Variants in ASCC3 observed in about 807,000 individuals in gnomAD.
ASCC3 encodes the protein ASC-1 complex subunit P200.
In ASCC3, 158 loss-of-function variants were observed where a neutral mutation model predicts 256.3. The observed-to-expected ratio is 0.62, with a 90% CI of 0.54 to 0.70. The LOEUF (loss-of-function observed/expected upper bound fraction) is 0.70, where lower values mean the gene tolerates loss of function less well. Among genes scored for constraint, ASCC3 ranks in the 30% least tolerant of loss-of-function variants. The pLI, the probability that ASCC3 is intolerant of heterozygous loss-of-function variation, is 0.00. For missense variants in ASCC3, 2,259 were observed against 2,626.0 expected, an observed-to-expected ratio of 0.86 and a Z score of 3.05; for synonymous variants, 948 against 883.4, an observed-to-expected ratio of 1.07 and a Z score of -1.30.
intron 10 of ASCC3, among the ~76,000 whole-genome samples, chr6:100,755,016 T>C (rs901049063): frequency 3.9e-5 from 6 of 152,094 alleles, no homozygotes; most frequent in African/African-American, 1.4e-4. Context: ...TTTTTCTTTA[T>C]AAATTACCCA....
chr6:100,628,049 AC>A, intron 27 of ASCC3, 62 bp from the exon 28 acceptor site: 1 of 1,551,186 alleles, frequency 6.4e-7, no homozygotes, highest in Non-Finnish European at 8.9e-7. Context: ...CATTGCAGCA[AC>A]CACAAAAGGA....
chr6:100,771,539 A>ATATAT (rs1000303918), intron 8 of ASCC3, among the ~76,000 whole-genome samples: 14 of 15,098 alleles, frequency 9.3e-4, no homozygotes, highest in Admixed American at 3.1e-3. Context: ...TATACGTAGA[A>ATATAT]TAAAAAAACT....
At chr6:100,836,418 C>T (rs1034745549) in intron 4 of ASCC3, among the ~76,000 whole-genome samples, 1 of 151,978 alleles carries the variant, frequency 6.6e-6, no homozygotes, top group African/African-American at 2.4e-5. Context: ...GAGGTACATT[C>T]CTTCTAATTT....
At chr6:100,683,874 T>A (rs1324329493) in intron 13 of ASCC3, among the ~76,000 whole-genome samples, 2 of 152,200 alleles carry the variant, frequency 1.3e-5, no homozygotes, top group South Asian at 4.1e-4. Flanking sequence ...AAAGTTCACA[T>A]AGAAACAAAA....
chr6:100,624,138 A>G (rs112457737), intron 30 of ASCC3, among the ~76,000 whole-genome samples: 5,171 of 152,054 alleles, frequency 0.034, 121 homozygotes, highest in Middle Eastern at 0.051. Flanking sequence ...AGACACCATG[A>G]AAAAAAGACA....
intron 36 of ASCC3, among the ~76,000 whole-genome samples, chr6:100,580,088 A>G (rs1303404274): frequency 2.6e-5 from 4 of 151,990 alleles, no homozygotes; most frequent in Non-Finnish European, 4.4e-5. Context: ...TTTTGTTGCT[A>G]TTGTGAATGG....
At chr6:100,762,960 T>G (rs1781482574) in intron 10 of ASCC3, among the ~76,000 whole-genome samples, 1 of 152,202 alleles carries the variant, frequency 6.6e-6, no homozygotes, top group South Asian at 2.1e-4. Context: ...AAATTTAAGA[T>G]TATATTTGAT....
chr6:100,623,236 T>G (rs891456778), intron 30 of ASCC3, among the ~76,000 whole-genome samples: 8 of 152,140 alleles, frequency 5.3e-5, no homozygotes, highest in African/African-American at 1.9e-4. Context: ...ACTTTGAACA[T>G]AAATTATTTT....
chr6:100,624,417 A>G (rs565803527), intron 30 of ASCC3, among the ~76,000 whole-genome samples: 16 of 151,968 alleles, frequency 1.1e-4, no homozygotes, highest in African/African-American at 3.6e-4. Context: ...TCAAAAATGA[A>G]GGCATACATT....
chr6:100,595,720 G>A (rs1772258254), intron 34 of ASCC3, among the ~76,000 whole-genome samples: 1 of 152,078 alleles, frequency 6.6e-6, no homozygotes, highest in African/African-American at 2.4e-5. Context: ...CTGTGCTATT[G>A]GGAGCAAGTT....
chr6:100,638,617 T>G lies in ASCC3; in HGVS notation c.4106A>C (p.Lys1369Thr), dbSNP rs759172800. ...AELAIFRVFN[K>T]YPTSKAVYIA... is the part of the protein sequence containing the mutation. ...TCAACAGACCTTTGAAGTAGGGTAT[T>G]TGTTGAAGACTCTGAAAATGGCTAA... The change falls in exon 25 of 42, where the codon AAA (lysine) becomes ACA (threonine). Residue 1369 changes from lysine (K) to threonine (T), a missense_variant. Physicochemically the swap from Lys to Thr is moderately conservative, Grantham distance 78. Around this residue, in one of 2 missense-constraint regions of ASCC3, gnomAD observed 1,839 missense variants for 2,206.7 expected, o/e 0.83. Coordinates refer to ENST00000369162, the MANE Select transcript of ASCC3 (RefSeq NM_006828.4). The G allele has an allele frequency of 3.1e-6, 5 of 1,611,430 alleles. No individual in the cohort carries two copies. The highest frequency in any genetic ancestry group is 4.2e-6 in the Non-Finnish European group (5 of 1,177,676).
At chr6:100,720,675 A>G (rs1779285325) in intron 11 of ASCC3, among the ~76,000 whole-genome samples, 1 of 151,768 alleles carries the variant, frequency 6.6e-6, no homozygotes, top group Admixed American at 6.6e-5. Context: ...TTTAACGTCC[A>G]GCTAAACAAT....
chr6:100,813,473 C>CA lies in ASCC3; in HGVS notation c.802-7594dup, dbSNP rs369888101. Among the ~76,000 whole-genome samples the CA allele has an allele frequency of 6.4e-4, 95 of 149,152 alleles. No homozygotes were observed. In the East Asian group the frequency reaches 6.8e-3, roughly 11 times the overall value. On this transcript the variant is annotated intron_variant, in intron 4 of 41. Transcript: ENST00000369162. ...ACTCCATCTCAAAAAACAACAACAACAAAAAAAAAACACAAAAAACCTAAG... is the reference window on the plus strand; with the variant it reads ...ACTCCATCTCAAAAAACAACAACAACAAAAAAAAAAACACAAAAAACCTAAG...
At chr6:100,764,509 C>T (rs1434931234) in intron 10 of ASCC3, among the ~76,000 whole-genome samples, 1 of 152,076 alleles carries the variant, frequency 6.6e-6, no homozygotes, top group African/African-American at 2.4e-5. Context: ...AGGTTGAAAA[C>T]CAGGCTGGAT....
intron 13 of ASCC3, among the ~76,000 whole-genome samples, chr6:100,714,135 T>C (rs1778985865): frequency 6.6e-6 from 1 of 152,170 alleles, no homozygotes; most frequent in African/African-American, 2.4e-5. Context: ...TCAAATATTG[T>C]CCATAGCCGC....
At chr6:100,829,328 G>C (rs1053967025) in intron 4 of ASCC3, among the ~76,000 whole-genome samples, 15 of 152,104 alleles carry the variant, frequency 9.9e-5, no homozygotes, top group African/African-American at 3.6e-4. Context: ...CCCATGGAGT[G>C]GCGGGGAGGC....
intron 8 of ASCC3, among the ~76,000 whole-genome samples, chr6:100,771,785 T>C (rs1476001795): frequency 9.9e-6 from 1 of 100,860 alleles, no homozygotes; most frequent in Non-Finnish European, 2.0e-5. Context: ...GCAAGTATTG[T>C]TGATGTAGAG....
intron 4 of ASCC3, among the ~76,000 whole-genome samples, chr6:100,824,344 C>T (rs978135317): frequency 2.0e-5 from 3 of 152,142 alleles, no homozygotes; most frequent in Non-Finnish European, 4.4e-5. Context: ...CTAGTGACTA[C>T]TAGAGAATTC....
chr6:100,585,987 C>T (rs968384959), intron 36 of ASCC3, among the ~76,000 whole-genome samples: 2 of 152,138 alleles, frequency 1.3e-5, no homozygotes, highest in South Asian at 4.1e-4. Context: ...TCAGTCTGCT[C>T]CTACTGGGGG....
Sources: allele counts gnomAD v4.1 joint callset (sites outside exome capture counted in the v4.1 genomes callset), GRCh38; gene constraint gnomAD v4.1.1; regional missense constraint gnomAD v4.1.1; transcripts MANE v1.5; gene names NCBI Gene and HGNC (gene_info 2026-07-23, HGNC 2026-07-21).